The following JMJD1C variants were observed in gnomAD, a reference collection of about 807,000 sequenced individuals.
The protein encoded by JMJD1C is jumonji domain containing 1C.
Under a neutral mutation model 245.3 loss-of-function variants are expected in JMJD1C, and 31 were observed. The ratio of observed to expected loss-of-function variants is 0.13; its 90% CI spans 0.09 to 0.17. The LOEUF (loss-of-function observed/expected upper bound fraction) is 0.17, where lower values mean the gene tolerates loss of function less well. Among genes scored for constraint, JMJD1C ranks in the 10% least tolerant of loss-of-function variants. JMJD1C has a pLI of 1.00. For missense variants in JMJD1C, 2,691 were observed against 3,000.2 expected (o/e 0.90, Z 2.41); for synonymous variants, 1,057 against 1,017.4 (o/e 1.04, Z -0.74).
chr10:63,252,262 G>T (rs887536341), intron 3 of JMJD1C, among the ~76,000 whole-genome samples: 4 of 152,174 alleles, frequency 2.6e-5, no homozygotes, highest in African/African-American at 4.8e-5. Flanking sequence ...GTGTCAACTT[G>T]ACTAGGAAAT....
At chr10:63,334,828 C>G (rs7907249) in intron 2 of JMJD1C, among the ~76,000 whole-genome samples, 3,731 of 152,000 alleles carry the variant, frequency 0.025, 144 homozygotes, top group African/African-American at 0.085. Flanking sequence ...CAGGCCTCAG[C>G]CTCCCAAGTA....
intron 3 of JMJD1C, among the ~76,000 whole-genome samples, chr10:63,229,351 A>C (rs1849688452): frequency 6.6e-6 from 1 of 152,146 alleles, no homozygotes. Context: ...ATACATAAAG[A>C]TTCGGATGGG....
At chr10:63,482,412 G>C (rs965756717) in intron 1 of JMJD1C, among the ~76,000 whole-genome samples, 1 of 152,264 alleles carries the variant, frequency 6.6e-6, no homozygotes, top group African/African-American at 2.4e-5. Flanking sequence ...GAGGCAGGCG[G>C]ATCACCTGAA....
At chr10:63,428,066 C>T (rs982855406) in intron 1 of JMJD1C, 13 of 539,606 alleles carry the variant, frequency 2.4e-5, no homozygotes, top group African/African-American at 9.6e-5. Flanking sequence ...ACACAACACA[C>T]ATATATATAT....
At chr10:63,374,435 T>C (rs967434203) in intron 2 of JMJD1C, among the ~76,000 whole-genome samples, 8 of 152,168 alleles carry the variant, frequency 5.3e-5, no homozygotes, top group African/African-American at 1.7e-4. Flanking sequence ...AAATAAATAA[T>C]TAATGCTTAC....
At chr10:63,311,354 G>A (rs145683615) in intron 2 of JMJD1C, among the ~76,000 whole-genome samples, 31 of 152,180 alleles carry the variant, frequency 2.0e-4, no homozygotes, top group African/African-American at 7.5e-4. Flanking sequence ...ACTCCATCCT[G>A]GGCAACAGAG....
At chr10:63,455,452 G>T (rs544086928) in intron 1 of JMJD1C, among the ~76,000 whole-genome samples, 2 of 152,202 alleles carry the variant, frequency 1.3e-5, no homozygotes, top group South Asian at 4.2e-4. Flanking sequence ...AGGTTCCACT[G>T]ATCATTATAC....
At chr10:63,468,546 A>G (rs961876516), upstream of JMJD1C, among the ~76,000 whole-genome samples, 1 of 152,250 alleles carries the variant, frequency 6.6e-6, no homozygotes, top group African/African-American at 2.4e-5. Context: ...AGATACTCGG[A>G]AACAGAAGAG....
intron 1 of JMJD1C, among the ~76,000 whole-genome samples, chr10:63,493,337 C>G (rs762011911): frequency 2.4e-5 from 3 of 124,422 alleles, no homozygotes; most frequent in Non-Finnish European, 4.8e-5. Context: ...TCTAGGCTCA[C>G]TGAAACCTCC....
rs778255192 is a variant in JMJD1C at position 63,207,311 on chromosome 10, G to A, written c.4358C>T (p.Thr1453Ile). ...AQKQECKVST[T>I]APVTLASSKT... ...ACTACTGGCTAATGTAACTGGTGCT[G>A]TGGTGCTGACCTTGCATTCTTGTTT... Residue 1453 changes from threonine (T) to isoleucine (I), a missense_variant, in exon 10 of 26, where the codon ACA (threonine) becomes ATA (isoleucine). This residue lies in a region of JMJD1C where 1,562 missense variants were observed against 1,490.7 expected (regional missense o/e 1.05). Transcript: ENST00000399262. The A allele has an allele frequency of 4.3e-6, 7 of 1,613,618 alleles. No homozygotes were observed. The Admixed American group carries it at 8.3e-5, about 19-fold the overall frequency.
At chr10:63,244,909 G>A (rs1201942782) in intron 3 of JMJD1C, among the ~76,000 whole-genome samples, 2 of 152,004 alleles carry the variant, frequency 1.3e-5, no homozygotes, top group African/African-American at 2.4e-5. Context: ...GGCCAAGGCA[G>A]CCGGATCACT....
intron 3 of JMJD1C, among the ~76,000 whole-genome samples, chr10:63,246,713 A>G (rs918026346): frequency 1.3e-5 from 2 of 152,176 alleles, no homozygotes; most frequent in Non-Finnish European, 2.9e-5. Flanking sequence ...AGCCTCAACA[A>G]ATTCAAAAAA....
intron 1 of JMJD1C, among the ~76,000 whole-genome samples, chr10:63,438,502 T>A (rs1951186176): frequency 6.6e-6 from 1 of 152,106 alleles, no homozygotes; most frequent in Admixed American, 6.6e-5. Context: ...AGTAGAGGGA[T>A]CCTTTTAAAA....
At chr10:63,218,276 TG>T (rs1229846762) in intron 4 of JMJD1C, among the ~76,000 whole-genome samples, 1 of 152,096 alleles carries the variant, frequency 6.6e-6, no homozygotes, top group African/African-American at 2.4e-5. Flanking sequence ...CTTCTACAGT[TG>T]TAACAGATTC....
chr10:63,190,709 T>TG (rs1428705328), intron 17 of JMJD1C, among the ~76,000 whole-genome samples, 185 bp downstream of exon 17: 1 of 151,986 alleles, frequency 6.6e-6, no homozygotes, highest in African/African-American at 2.4e-5. Context: ...CCTTTCACCT[T>TG]GGAAAAAAAG....
chr10:63,435,106 G>A (rs1409193693), intron 1 of JMJD1C, among the ~76,000 whole-genome samples: 2 of 152,190 alleles, frequency 1.3e-5, no homozygotes, highest in Non-Finnish European at 2.9e-5. Context: ...ATCATTTCCT[G>A]ACCTGTAATC....
intron 2 of JMJD1C, among the ~76,000 whole-genome samples, chr10:63,357,199 A>AT (rs1045451954): frequency 3.7e-4 from 56 of 151,872 alleles, no homozygotes; most frequent in African/African-American, 1.4e-3. Flanking sequence ...ACGCCCATCT[A>AT]TTTTTTCTAT....
chr10:63,430,178 T>C (rs1053344505), intron 1 of JMJD1C, among the ~76,000 whole-genome samples: 1 of 152,146 alleles, frequency 6.6e-6, no homozygotes, highest in Non-Finnish European at 1.5e-5. Context: ...CTTCACACCA[T>C]ATACAAAACT....
intron 24 of JMJD1C, among the ~76,000 whole-genome samples, chr10:63,170,590 GTC>G (rs1842255083): frequency 6.6e-6 from 1 of 152,198 alleles, no homozygotes; most frequent in Non-Finnish European, 1.5e-5. Context: ...TCATTAAGCA[GTC>G]TCTTGGTTGC....
Sources: allele counts gnomAD v4.1 joint callset (sites outside exome capture counted in the v4.1 genomes callset), GRCh38; gene constraint gnomAD v4.1.1; regional missense constraint gnomAD v4.1.1; transcripts MANE v1.5; gene names NCBI Gene and HGNC (gene_info 2026-07-23, HGNC 2026-07-21).